Variants in LYVE1 observed in about 807,000 individuals in gnomAD.
LYVE1 encodes lymphatic vessel endothelial hyaluronan receptor 1.
In LYVE1, 29 loss-of-function variants were observed where a neutral mutation model predicts 31.5. The ratio of observed to expected loss-of-function variants is 0.92; its 90% CI spans 0.69 to 1.26. LYVE1 has a LOEUF of 1.26. Ranked by LOEUF, LYVE1 falls within the 50% of genes most tolerant of loss-of-function variation. LYVE1 has a pLI of 0.00. For missense variants in LYVE1, 376 were observed against 380.2 expected (o/e 0.99, Z 0.09); for synonymous variants, 134 against 139.4 (o/e 0.96, Z 0.27).
At chr11:10,566,612 T>G (rs1850548841) in intron 1 of LYVE1, among the ~76,000 whole-genome samples, 2 of 152,178 alleles carry the variant, frequency 1.3e-5, no homozygotes, top group Non-Finnish European at 2.9e-5. Flanking sequence ...AGAGGTTTAT[T>G]TGTCACATTA....
chr11:10,563,788 C>A, intron 3 of LYVE1, 152 bp downstream of exon 3: 1 of 979,392 alleles, frequency 1.0e-6, no homozygotes, highest in Non-Finnish European at 1.5e-6. Context: ...ATATTGCCAC[C>A]CCTAGCCTGG....
rs755850058 is a variant in LYVE1, at chr11:10,563,939, C to A, written c.397+1G>T. ...GTGGAAAGGTTGCAGATCAGACTCA[C>A]CAGATGAGTTGTAACAATAGGCTGC... On this transcript the variant is annotated splice_donor_variant, in intron 3 of 5. Transcript: ENST00000256178. LOFTEE classifies it high-confidence loss of function. 1.3e-5 allele frequency: 21 copies of A among 1,613,994 alleles called. No individual in the cohort carries two copies. Among genetic ancestry groups the A allele is most frequent in the Non-Finnish European group, 1.8e-5 (21 of 1,180,034 alleles).
Position 10,560,705 on chromosome 11 carries a change from T to C in LYVE1, c.493A>G (p.Ser165Gly). The C allele has an allele frequency of 6.2e-7, 1 of 1,613,744 alleles. No individual in the cohort carries two copies. Among genetic ancestry groups the C allele is most frequent in the Non-Finnish European group, 8.5e-7 (1 of 1,179,642 alleles). Residue 165 changes from serine (S) to glycine (G), a missense_variant, in exon 4 of 6, where the codon AGT becomes GGT. Ser to Gly is a moderately conservative substitution (Grantham distance 56). Coordinates refer to ENST00000256178, the MANE Select transcript of LYVE1 (RefSeq NM_006691.4). Reference sequence around the variant, plus strand: ...GATGCCACCGAGTAGGTACTGTCACTGACAATAAATTCTGTTGTTTGTGTT... The same window carrying C: ...GATGCCACCGAGTAGGTACTGTCACCGACAATAAATTCTGTTGTTTGTGTT... ...TATQTTEFIV[S>G]DSTYSVASPY... is the part of the protein sequence containing the mutation.
rs1469557239 is a variant in LYVE1, at chr11:10,559,311, C to T, written c.783-14G>A. On this transcript the variant is annotated splice_polypyrimidine_tract_variant and intron_variant, in intron 5 of 5. Coordinates refer to ENST00000256178, the MANE Select transcript of LYVE1 (RefSeq NM_006691.4). ...GCCTTCACATACCTTTAGGCAGAAA[C>T]ATGAAATTAAAGTGAGAGACTCTCA... 6.8e-6 allele frequency: 11 copies of T among 1,607,080 alleles called. No individual in the cohort carries two copies. The highest frequency in any genetic ancestry group is 9.4e-6 in the Non-Finnish European group (11 of 1,176,278).
At chr11:10,559,496 G>C (rs1185253200) in intron 5 of LYVE1, among the ~76,000 whole-genome samples, 199 bp from the exon 6 acceptor site, 2 of 152,166 alleles carry the variant, frequency 1.3e-5, no homozygotes, top group Non-Finnish European at 2.9e-5. Flanking sequence ...TTGCAGGCCA[G>C]ACTTTAGGCT....
At chr11:10,559,760 C>A in intron 5 of LYVE1, 56 bp downstream of exon 5, 1 of 1,516,842 alleles carries the variant, frequency 6.6e-7, no homozygotes. Context: ...CCTGAAAAAG[C>A]ACAGGATAGA....
rs1488054151 is a variant in LYVE1 at position 10,564,450 on chromosome 11, G to A, written c.86-76C>T. ...CCCTTAGACTCTCCTTCCCAGCAGAGTATATCGTCCTGATGCGCAGGGAGG... is the reference window on the plus strand; with the variant it reads ...CCCTTAGACTCTCCTTCCCAGCAGAATATATCGTCCTGATGCGCAGGGAGG... On this transcript the variant is annotated intron_variant, in intron 1 of 5. Transcript: ENST00000256178. 18 of 1,415,162 alleles carry A rather than the reference G, an allele frequency of 1.3e-5. No individual in the cohort carries two copies. In the East Asian group the frequency reaches 2.8e-4, roughly 22 times the overall value. The allele number at this position is 1,415,162 out of a possible 1,614,324, so 87.7% of individuals were successfully genotyped here. A position where few individuals can be genotyped will look rare whatever the true frequency, so the allele number is the denominator to read the frequency against.
intron 3 of LYVE1, among the ~76,000 whole-genome samples, chr11:10,563,147 G>T (rs1023500765): frequency 2.6e-5 from 4 of 151,800 alleles, no homozygotes; most frequent in Non-Finnish European, 5.9e-5. Flanking sequence ...TAGAGACGGG[G>T]TTTCACCGTG....
rs895518119 is a variant in LYVE1 at position 10,568,364 on chromosome 11, C to T, written c.85+84G>A. 3.3e-5 allele frequency: 47 copies of T among 1,404,094 alleles called. No individual in the cohort carries two copies. In the African/African-American group the frequency reaches 6.4e-4, roughly 19 times the overall value. The allele number at this position is 1,404,094 out of a possible 1,614,324, so 87.0% of individuals were successfully genotyped here. ...TGCTGTTGACACTGAGGGTCACCCT[C>T]ATTCCCAGAAATCCATAGTCAACAG... On this transcript the variant is annotated intron_variant, in intron 1 of 5. Coordinates refer to ENST00000256178, the MANE Select transcript of LYVE1 (RefSeq NM_006691.4).
intron 3 of LYVE1, 33 bp from the exon 4 acceptor site, chr11:10,560,833 T>G: frequency 4.6e-6 from 7 of 1,528,270 alleles, no homozygotes; most frequent in African/African-American, 1.4e-5. Flanking sequence ...AATAAAAGTA[T>G]TGCAACAGCC....
chr11:10,559,835 C>A lies in LYVE1; in HGVS notation c.763G>T (p.Gly255Ter), dbSNP rs151319034. The change falls in exon 5 of 6, where the codon GGA (glycine) becomes TGA (stop). Residue 255 changes from glycine to a stop codon, truncating the protein, a stop_gained. Transcript: ENST00000256178. LOFTEE classifies it high-confidence loss of function. Reference sequence around the variant, plus strand: ...CCCTACCTTTTGACATAGCAAAATCCAAGACCAGCTGCAGCACCAAAGAAG... The same window carrying A: ...CCCTACCTTTTGACATAGCAAAATCAAAGACCAGCTGCAGCACCAAAGAAG... The part of the protein sequence containing the change: ...LLFFGAAAGL[G>*]FCYVKRYVKA... 2.5e-6 allele frequency: 4 copies of A among 1,613,820 alleles called. No individual in the cohort carries two copies. In the African/African-American group the frequency reaches 4.0e-5, roughly 16 times the overall value.
chr11:10,558,962 T>C lies in LYVE1; in HGVS notation c.*149A>G. 1 of 698,428 alleles carries C rather than the reference T, an allele frequency of 1.4e-6. No homozygotes were observed. Among genetic ancestry groups the C allele is most frequent in the Non-Finnish European group, 2.5e-6 (1 of 402,100 alleles). The allele number at this position is 698,428 out of a possible 1,614,324, so 43.3% of individuals were successfully genotyped here. A position where few individuals can be genotyped will look rare whatever the true frequency, so the allele number is the denominator to read the frequency against. On this transcript the variant is annotated 3_prime_UTR_variant, in exon 6 of 6. Transcript: ENST00000256178. ...GCATTCTCTTTGGTGCACTCCATAG[T>C]CCAATGGCAGTCCTGAGCTGATTCC...
intron 1 of LYVE1, among the ~76,000 whole-genome samples, chr11:10,565,136 G>A (rs1350335354): frequency 6.6e-6 from 1 of 152,200 alleles, no homozygotes; most frequent in African/African-American, 2.4e-5. Context: ...AAAGTTAAGT[G>A]AGTAAATTCT....
At chr11:10,559,669 A>G (rs1261950948) in intron 5 of LYVE1, 147 bp downstream of exon 5, 4 of 640,078 alleles carry the variant, frequency 6.2e-6, no homozygotes, top group Non-Finnish European at 1.1e-5. Flanking sequence ...ATTGGGCTGA[A>G]GGGAAAGAGA....
intron 1 of LYVE1, among the ~76,000 whole-genome samples, chr11:10,568,169 G>C (rs908580892): frequency 2.7e-4 from 41 of 152,130 alleles, no homozygotes; most frequent in African/African-American, 9.7e-4. Context: ...ACAAAAAAGA[G>C]TAAAAATCAA....
rs569028822 is a variant in LYVE1, at chr11:10,559,074, A to G, written c.*37T>C. On this transcript the variant is annotated 3_prime_UTR_variant, in exon 6 of 6. Coordinates refer to ENST00000256178, the MANE Select transcript of LYVE1 (RefSeq NM_006691.4). Reference sequence around the variant, plus strand: ...GGGGCAGGGTAAGGAGCATGAAAGAAACCAGCCTCAGGTGTGTCTCCTCAT... The same window carrying G: ...GGGGCAGGGTAAGGAGCATGAAAGAGACCAGCCTCAGGTGTGTCTCCTCAT... 5.0e-6 allele frequency: 8 copies of G among 1,596,326 alleles called. No individual in the cohort carries two copies. In the African/African-American group the frequency reaches 1.1e-4, roughly 22 times the overall value.
intron 4 of LYVE1, 57 bp downstream of exon 4, chr11:10,560,438 T>C (rs1400032331): frequency 3.5e-6 from 5 of 1,425,756 alleles, no homozygotes; most frequent in Non-Finnish European, 4.7e-6. Context: ...ATTCTATGAA[T>C]TATCTGTTAT....
rs1457435979 is a variant in LYVE1, at chr11:10,559,139, G to A, written c.941C>T (p.Thr314Ile). 3 of 1,613,996 alleles carry A rather than the reference G, an allele frequency of 1.9e-6. No homozygotes were observed. Among genetic ancestry groups the A allele is most frequent in the South Asian group, 2.2e-5 (2 of 91,032 alleles). Residue 314 changes from threonine (T) to isoleucine (I), a missense_variant, in exon 6 of 6, where the codon ACC becomes ATC. By Grantham distance (89) the Thr-to-Ile change is moderately conservative. Coordinates refer to ENST00000256178, the MANE Select transcript of LYVE1 (RefSeq NM_006691.4). ...AACTTCAGCTTCCAGGCATCGCACG[G>A]TAGTTTTGCTTGGACTCTTGGACTC... ...PEESKSPSKT[T>I]VRCLEAEV is the part of the protein sequence containing the mutation.
chr11:10,561,661 CT>C (rs1441450764), intron 3 of LYVE1, among the ~76,000 whole-genome samples: 2 of 152,186 alleles, frequency 1.3e-5, no homozygotes, highest in African/African-American at 4.8e-5. Flanking sequence ...TTACTAAACC[CT>C]TGTTTACACA....
Sources: gnomAD v4.1 joint callset for allele counts (sites outside exome capture counted in the v4.1 genomes callset) on GRCh38, gnomAD v4.1.1 for gene constraint, MANE v1.5 for transcripts, NCBI Gene and HGNC (gene_info 2026-07-23, HGNC 2026-07-21) for gene names.